Variants in DCX observed in about 807,000 individuals in gnomAD.
The protein encoded by DCX is doublecortin.
A neutral mutation model predicts 20.9 loss-of-function variants in DCX; 4 were observed. The ratio of observed to expected loss-of-function variants is 0.19; its 90% confidence interval spans 0.09 to 0.44. The LOEUF (loss-of-function observed/expected upper bound fraction) is 0.44, where lower values mean the gene tolerates loss of function less well. DCX is among the 20% of genes least tolerant of loss of function. The probability of loss-of-function intolerance (pLI) is 0.99; values close to 1 mark genes in which losing one functional copy is unlikely to be tolerated. For synonymous variants in DCX, 103 were observed against 111.4 expected (o/e 0.92, Z 0.47); for missense variants, 133 against 296.9 (o/e 0.45, Z 4.06).
At chrX:111,335,437 C>G (rs1417593478) in intron 3 of DCX, among the ~76,000 whole-genome samples, 1 of 112,034 alleles carries the variant, frequency 8.9e-6, no homozygotes, top group Non-Finnish European at 1.9e-5. Context: ...CAGGAATATT[C>G]AGGGGCTTTG....
At chrX:111,361,334 T>C (rs1924190595) in intron 3 of DCX, among the ~76,000 whole-genome samples, 1 of 112,222 alleles carries the variant, frequency 8.9e-6, no homozygotes, top group Non-Finnish European at 1.9e-5. Flanking sequence ...ATGAGCTTTC[T>C]GTCTCTGGAG....
At chrX:111,385,649 C>A (rs2147240237) in intron 3 of DCX, among the ~76,000 whole-genome samples, 1 of 106,315 alleles carries the variant, frequency 9.4e-6, no homozygotes, top group Non-Finnish European at 1.9e-5. Context: ...GAGCGAGAAT[C>A]TGTCAAAAAA....
At chrX:111,303,815 A>G (rs1428157765) in intron 6 of DCX, among the ~76,000 whole-genome samples, 2 of 112,175 alleles carry the variant, frequency 1.8e-5, no homozygotes, top group East Asian at 5.6e-4. Flanking sequence ...CTTCACTGTA[A>G]GTCAGGGATT....
chrX:111,311,255 A>G (rs1235681708), intron 6 of DCX, among the ~76,000 whole-genome samples: 1 of 112,518 alleles, frequency 8.9e-6, no homozygotes, highest in African/African-American at 3.2e-5. Flanking sequence ...AAATAGCTCA[A>G]CAGGACAATC....
At chrX:111,360,890 C>T (rs1370777544) in intron 3 of DCX, among the ~76,000 whole-genome samples, 2 of 112,186 alleles carry the variant, frequency 1.8e-5, no homozygotes, top group African/African-American at 6.5e-5. Flanking sequence ...TTATACACCT[C>T]TCTGTCTGTA....
chrX:111,392,303 T>G (rs1293286793), intron 3 of DCX, among the ~76,000 whole-genome samples: 3 of 111,430 alleles, frequency 2.7e-5, no homozygotes, highest in Non-Finnish European at 5.7e-5. Flanking sequence ...TAGATATATA[T>G]TCAAGAGAAA....
rs1036475701 is a variant in DCX, at chrX:111,301,319, C to T, written c.*368G>A. ...TTTTCCCACACAAACATTTTAAGTG[C>T]TGTATATGTAAACAGCCCTCTACAG... On this transcript the variant is annotated 3_prime_UTR_variant, in exon 7 of 7. Coordinates refer to ENST00000636035, the MANE Select transcript of DCX (RefSeq NM_001195553.2). The T allele has an allele frequency of 5.0e-6, 1 of 199,217 alleles. No individual in the cohort carries two copies. Among genetic ancestry groups the T allele is most frequent in the Non-Finnish European group, 9.4e-6 (1 of 106,335 alleles). The allele number at this position is 199,217 out of a possible 1,213,427, so 16.4% of individuals were successfully genotyped here. A position where few individuals can be genotyped will look rare whatever the true frequency, so the allele number is the denominator to read the frequency against.
At chrX:111,382,988 T>C (rs963562344) in intron 3 of DCX, among the ~76,000 whole-genome samples, 2 of 110,696 alleles carry the variant, frequency 1.8e-5, no homozygotes, top group Non-Finnish European at 3.8e-5. Flanking sequence ...TCACAGAGAG[T>C]GCATCCGATT....
chrX:111,385,294 AT>A (rs1926304260), intron 3 of DCX, among the ~76,000 whole-genome samples: 2 of 112,197 alleles, frequency 1.8e-5, no homozygotes, highest in African/African-American at 6.5e-5. Context: ...TCTGTTGTAT[AT>A]TTTTTGTCCT....
intron 3 of DCX, among the ~76,000 whole-genome samples, chrX:111,383,856 A>C (rs749211318): frequency 3.6e-5 from 4 of 111,036 alleles, no homozygotes; most frequent in Non-Finnish European, 7.6e-5. Context: ...GAACCTTCTA[A>C]AAGTTCCCCA....
intron 6 of DCX, among the ~76,000 whole-genome samples, chrX:111,302,205 T>C (rs1457056322): frequency 1.8e-5 from 2 of 111,937 alleles, no homozygotes; most frequent in Non-Finnish European, 3.8e-5. Flanking sequence ...AATGAAACCA[T>C]ACAGTATATA....
chrX:111,331,098 T>A (rs1446565670), intron 4 of DCX, 57 bp from the exon 5 acceptor site: 11 of 1,183,554 alleles, frequency 9.3e-6, no homozygotes, highest in Non-Finnish European at 1.0e-5. Flanking sequence ...CAGCATGTTA[T>A]CAGCCTCTGG....
At chrX:111,308,916 C>T (rs2095051488) in intron 6 of DCX, among the ~76,000 whole-genome samples, 1 of 107,994 alleles carries the variant, frequency 9.3e-6, no homozygotes, top group Admixed American at 1.0e-4. Flanking sequence ...AAAGGGGATC[C>T]TTAATAAATT....
At chrX:111,368,218 C>T (rs1235460161) in intron 3 of DCX, among the ~76,000 whole-genome samples, 1 of 111,457 alleles carries the variant, frequency 9.0e-6, no homozygotes, top group Non-Finnish European at 1.9e-5. Context: ...CATGGAAAGC[C>T]ACATGTGGAA....
At position 111,297,856 on chromosome X, in the gene DCX, C is replaced by G. The variant is rs1167014476; in HGVS notation, c.*3831G>C. The G allele has an allele frequency of 9.0e-6, 1 of 111,541 alleles. No individual in the cohort carries two copies. The highest frequency in any genetic ancestry group is 1.9e-5 in the Non-Finnish European group (1 of 53,152). The allele number at this position is 111,541 out of a possible 1,213,427, so 9.2% of individuals were successfully genotyped here. On this transcript the variant is annotated 3_prime_UTR_variant, in exon 7 of 7. Transcript: ENST00000636035. ...TGCAAACACAGGAGCCAATGTTTAA[C>G]ATCAGCCAGGGTACATTTTTGTCAC...
At chrX:111,408,356 C>T (rs1218187281) in intron 2 of DCX, among the ~76,000 whole-genome samples, 2 of 111,046 alleles carry the variant, frequency 1.8e-5, no homozygotes, top group African/African-American at 6.6e-5. Context: ...GGCACAGTGG[C>T]TCACACCTGT....
rs1277693394 is a variant in DCX at position 111,298,368 on chromosome X, T to C, written c.*3319A>G. On this transcript the variant is annotated 3_prime_UTR_variant, in exon 7 of 7. Coordinates refer to ENST00000636035, the MANE Select transcript of DCX (RefSeq NM_001195553.2). ...TCTCTTCAAGGACATCTGCAACCCATGTGGATGGGAACCAGGTGAATGCAG... is the reference window on the plus strand; with the variant it reads ...TCTCTTCAAGGACATCTGCAACCCACGTGGATGGGAACCAGGTGAATGCAG... The C allele has an allele frequency of 9.0e-6, 1 of 111,711 alleles. No individual in the cohort carries two copies. Among genetic ancestry groups the C allele is most frequent in the East Asian group, 2.8e-4 (1 of 3,516 alleles). The allele number at this position is 111,711 out of a possible 1,213,427, so 9.2% of individuals were successfully genotyped here.
intron 3 of DCX, among the ~76,000 whole-genome samples, chrX:111,396,720 C>T (rs749506410): frequency 9.8e-5 from 11 of 111,850 alleles, no homozygotes; most frequent in African/African-American, 3.3e-5. Flanking sequence ...ACCACTCCAG[C>T]TGCCAAGGAA....
chrX:111,363,255 C>T lies in DCX; in HGVS notation c.706-30102G>A, dbSNP rs137913118. Reference sequence around the variant, plus strand: ...CTGTAACTGGTGTGAACAGTTTTGACTCTGTCTGCTTCACCACAGAACACA... The same window carrying T: ...CTGTAACTGGTGTGAACAGTTTTGATTCTGTCTGCTTCACCACAGAACACA... On this transcript the variant is annotated intron_variant, in intron 3 of 6. Transcript: ENST00000636035. Among the ~76,000 whole-genome samples, 21 of 110,915 alleles carry T rather than the reference C, an allele frequency of 1.9e-4. No homozygotes were observed. The East Asian group carries it at 5.7e-3, about 30-fold the overall frequency.
Sources: gnomAD v4.1 joint callset for allele counts (sites outside exome capture counted in the v4.1 genomes callset) on GRCh38, gnomAD v4.1.1 for gene constraint, MANE v1.5 for transcripts, NCBI Gene and HGNC (gene_info 2026-07-23, HGNC 2026-07-21) for gene names.